PRSS55: variants seen among roughly 807,000 people sequenced by gnomAD.
PRSS55 encodes the protein serine protease 55, also known as probable serine protease UNQ9391/PRO34284.
In PRSS55, 41 loss-of-function variants were observed where a neutral mutation model predicts 23.6. The ratio of observed to expected loss-of-function variants is 1.74; its 90% CI spans 1.35 to 2.26. PRSS55 has a LOEUF of 2.26. PRSS55 is among the 30% of genes most tolerant of loss of function. The pLI, the probability that PRSS55 is intolerant of heterozygous loss-of-function variation, is 0.00. For synonymous variants in PRSS55, 262 were observed against 175.5 expected (o/e 1.49, Z -3.90); for missense variants, 669 against 439.1 (o/e 1.52, Z -4.68).
rs1025193530 is a variant in PRSS55 at position 10,526,878 on chromosome 8, G to A, written c.154+1139G>A. Among the ~76,000 whole-genome samples, 51 of 152,270 alleles carry A rather than the reference G, an allele frequency of 3.3e-4. 1 individual carries two copies. The highest frequency in any genetic ancestry group is 3.3e-3 in the Admixed American group (50 of 15,302). ...GAAGAAAGGGGGGTGGGTACCCAAC[G>A]ATAAGTAGCTTTCCCTAAATCGTTT... On this transcript the variant is annotated intron_variant, in intron 1 of 4. Coordinates refer to ENST00000328655, the MANE Select transcript of PRSS55 (RefSeq NM_198464.4).
At chr8:10,532,800 G>T (rs1210052452) in intron 3 of PRSS55, 106 bp from the exon 4 acceptor site, 3 of 1,408,284 alleles carry the variant, frequency 2.1e-6, no homozygotes, top group Non-Finnish European at 2.9e-6. Flanking sequence ...GTGAAGGAAG[G>T]GGATGGGGGC....
At chr8:10,531,567 C>G (rs751223036) in intron 3 of PRSS55, 22 bp downstream of exon 3, 1 of 1,610,332 alleles carries the variant, frequency 6.2e-7, no homozygotes. Context: ...CTCAGCTTCC[C>G]CTGGGGAAAA....
At chr8:10,531,731 G>C (rs556155020) in intron 3 of PRSS55, 186 bp downstream of exon 3, 1 of 705,326 alleles carries the variant, frequency 1.4e-6, no homozygotes, top group Non-Finnish European at 2.3e-6. Context: ...CCAGGTCTGA[G>C]CCAGTCCCCT....
chr8:10,548,273 C>G (rs1012892134), intron 4 of PRSS55, among the ~76,000 whole-genome samples: 1 of 152,096 alleles, frequency 6.6e-6, no homozygotes, highest in African/African-American at 2.4e-5. Context: ...AGACCAGGCA[C>G]GAGGGCTTCA....
intron 1 of PRSS55, among the ~76,000 whole-genome samples, chr8:10,528,858 T>G (rs962255601): frequency 6.6e-6 from 1 of 152,208 alleles, no homozygotes; most frequent in Non-Finnish European, 1.5e-5. Flanking sequence ...CACTTCCAGC[T>G]TCTAGAAACT....
At chr8:10,539,005 T>C (rs1812559423), downstream of PRSS55, among the ~76,000 whole-genome samples, 2 of 151,894 alleles carry the variant, frequency 1.3e-5, no homozygotes, top group Non-Finnish European at 2.9e-5. Context: ...AGTCACCTAA[T>C]TCTGACTGAA....
intron 4 of PRSS55, among the ~76,000 whole-genome samples, chr8:10,536,506 C>T (rs1007928905): frequency 1.3e-5 from 2 of 152,144 alleles, no homozygotes; most frequent in Admixed American, 1.3e-4. Flanking sequence ...CCAGCAATCT[C>T]AATACTGGTA....
intron 1 of PRSS55, among the ~76,000 whole-genome samples, chr8:10,529,200 G>A (rs904209627): frequency 1.3e-5 from 2 of 152,192 alleles, no homozygotes; most frequent in Non-Finnish European, 2.9e-5. Context: ...GTTTTCTTCC[G>A]ATTTCTCCTG....
At chr8:10,543,098 G>C (rs931510282), downstream of PRSS55, among the ~76,000 whole-genome samples, 3 of 152,074 alleles carry the variant, frequency 2.0e-5, no homozygotes, top group African/African-American at 7.2e-5. Flanking sequence ...CATGGGACCA[G>C]GCCTGACCAA....
intron 2 of PRSS55, among the ~76,000 whole-genome samples, chr8:10,530,919 G>T (rs921832184): frequency 6.6e-6 from 1 of 152,142 alleles, no homozygotes; most frequent in East Asian, 1.9e-4. Context: ...ATACAAAACA[G>T]ATATAATAAT....
intron 4 of PRSS55, among the ~76,000 whole-genome samples, chr8:10,553,723 C>T (rs1813000530): frequency 1.3e-5 from 2 of 152,106 alleles, no homozygotes; most frequent in Non-Finnish European, 2.9e-5. Flanking sequence ...AGCATGGTTA[C>T]TATTGTTAAT....
At chr8:10,531,239 G>A (rs4841366) in intron 2 of PRSS55, 56 bp from the exon 3 acceptor site, 1,133,859 of 1,598,416 alleles carry the variant, frequency 0.71, 403,062 homozygotes, top group African/African-American at 0.77. Context: ...CAATTCTGCC[G>A]CTTTTGAGAC....
intron 4 of PRSS55, 123 bp downstream of exon 4, chr8:10,533,171 G>C (rs1343571413): frequency 9.4e-7 from 1 of 1,063,464 alleles, no homozygotes; most frequent in African/African-American, 1.6e-5. Context: ...TGGGAATTAG[G>C]GCCTGCAGCC....
rs368589315 is a variant in PRSS55, at chr8:10,525,547, G to C, written c.-39G>C. On this transcript the variant is annotated 5_prime_UTR_variant, in exon 1 of 5. Transcript: ENST00000328655. ...TCTCAGCCTCACTGCCTCAGCCCTG[G>C]CCTCTGTCACCCCCGGGCCCACAGC... 1.1e-5 allele frequency: 17 copies of C among 1,598,104 alleles called. No individual in the cohort carries two copies. The African/African-American group carries it at 1.9e-4, about 18-fold the overall frequency.
At chr8:10,550,787 T>C (rs985494857) in intron 4 of PRSS55, among the ~76,000 whole-genome samples, 1 of 152,236 alleles carries the variant, frequency 6.6e-6, no homozygotes, top group Admixed American at 6.5e-5. Flanking sequence ...CTGATGTACA[T>C]GCAAAAGACA....
chr8:10,538,109 C>T (rs1466558605), intron 4 of PRSS55, among the ~76,000 whole-genome samples: 3 of 152,176 alleles, frequency 2.0e-5, no homozygotes, highest in Non-Finnish European at 4.4e-5. Flanking sequence ...CTTTCCTGCC[C>T]TTTCCAGAGC....
rs912297769 is a variant in PRSS55, at chr8:10,552,748, T to C, written c.742-1195T>C. 5.9e-5 allele frequency among the ~76,000 whole-genome samples: 9 copies of C among 152,312 alleles called. 2 individuals carry two copies. The Middle Eastern group carries it at 0.01, about 173-fold the overall frequency. ...ACCTCACACCTGTTAGAATGGCTGT[T>C]GTCAAAAAGACAAAAGATAGTGAGT... On this transcript the variant is annotated intron_variant, in intron 4 of 4. Transcript: ENST00000522210.
chr8:10,538,728 A>C lies in PRSS55; in HGVS notation c.994A>C (p.Ser332Arg), dbSNP rs1812547659. The C allele has an allele frequency of 6.2e-7, 1 of 1,613,296 alleles. No individual in the cohort carries two copies. The change falls in exon 5 of 5, where the codon AGC becomes CGC. Residue 332 changes from serine to arginine, a missense_variant. Ser to Arg is a moderately radical substitution (Grantham distance 110, BLOSUM62 -1). Coordinates refer to ENST00000328655, the MANE Select transcript of PRSS55 (RefSeq NM_198464.4). The part of the protein sequence containing the change: ...SPVSGVPEPG[S>R]PRSWLLLCPL... ...AGTCTCGGGAGTCCCAGAGCCAGGC[A>C]GCCCCAGATCCTGGCTCCTGCTCTG...
chr8:10,539,135 G>T (rs73662855), downstream of PRSS55, among the ~76,000 whole-genome samples: 1 of 151,958 alleles, frequency 6.6e-6, no homozygotes, highest in Non-Finnish European at 1.5e-5. Flanking sequence ...GCTGAAAGGT[G>T]AAGGCAGTGA....
Sources: gnomAD v4.1 joint callset for allele counts (sites outside exome capture counted in the v4.1 genomes callset) on GRCh38, gnomAD v4.1.1 for gene constraint, MANE v1.5 for transcripts, NCBI Gene and HGNC (gene_info 2026-07-23, HGNC 2026-07-21) for gene names.